Variants in GCH1 observed in about 807,000 individuals in gnomAD.
GCH1 encodes GTP cyclohydrolase I.
Under a neutral mutation model 25.9 loss-of-function variants are expected in GCH1, and 5 were observed. That is an observed-to-expected ratio of 0.19 (90% CI 0.10 to 0.41). The LOEUF (loss-of-function observed/expected upper bound fraction) is 0.41. Ranked by LOEUF, GCH1 falls within the 10% of genes least tolerant of loss-of-function variation. GCH1 has a pLI of 1.00. For synonymous variants in GCH1, 159 were observed against 129.6 expected, an observed-to-expected ratio of 1.23 and a Z score of -1.54; for missense variants, 261 against 336.5, an observed-to-expected ratio of 0.78 and a Z score of 1.75.
intron 1 of GCH1, among the ~76,000 whole-genome samples, chr14:54,893,753 A>G (rs2040452323): frequency 6.6e-6 from 1 of 152,052 alleles, no homozygotes; most frequent in Non-Finnish European, 1.5e-5. Flanking sequence ...ACATGTAAAA[A>G]CTCACTGTTT....
chr14:54,858,346 C>T lies in GCH1; in HGVS notation c.509+1335G>A, dbSNP rs189713028. On this transcript the variant is annotated intron_variant, in intron 3 of 5. Transcript: ENST00000491895. ...CATCGCCCAGGCTGGAGTGCAATGG[C>T]ACAATCTCGGCTCACTGCAAGCTCT... Among the ~76,000 whole-genome samples the T allele has an allele frequency of 3.9e-5, 6 of 152,236 alleles. No individual in the cohort carries two copies. The East Asian group carries it at 9.6e-4, about 24-fold the overall frequency.
At chr14:54,880,003 A>C (rs868325343) in intron 1 of GCH1, among the ~76,000 whole-genome samples, 1,817 of 149,768 alleles carry the variant, frequency 0.012, 40 homozygotes, top group South Asian at 0.039. Context: ...AAAAAAAAAA[A>C]AAAAAAGACA....
chr14:54,871,866 T>C (rs141565677), intron 1 of GCH1, among the ~76,000 whole-genome samples: 6,345 of 152,182 alleles, frequency 0.042, 493 homozygotes, highest in African/African-American at 0.15. Context: ...CAAATCTATA[T>C]CTGATTGGTG....
At chr14:54,867,242 G>A (rs890205044) in intron 1 of GCH1, among the ~76,000 whole-genome samples, 2 of 152,056 alleles carry the variant, frequency 1.3e-5, no homozygotes, top group South Asian at 4.1e-4. Flanking sequence ...AAGCTCTGAC[G>A]ACAACCATAT....
intron 1 of GCH1, among the ~76,000 whole-genome samples, chr14:54,880,751 AC>A (rs1159422873): frequency 1.5e-5 from 1 of 64,812 alleles, no homozygotes; most frequent in African/African-American, 8.9e-5. Flanking sequence ...ATATATATAT[AC>A]TCCATATATA....
Position 54,855,505 on chromosome 14 carries a change from C to CAAAAAAAAAAAAAAAAAAAAA in GCH1, c.509+4155_509+4175dup, listed in dbSNP as rs764999718. ...TGGGCGACAGAGAAAGACCCTGTCT[C>CAAAAAAAAAAAAAAAAAAAAA]AAAAAAAAAAAAAAAAAAAAAAAAG... On this transcript the variant is annotated intron_variant, in intron 3 of 5. Coordinates refer to ENST00000491895, the MANE Select transcript of GCH1 (RefSeq NM_000161.3). Among the ~76,000 whole-genome samples the CAAAAAAAAAAAAAAAAAAAAA allele has an allele frequency of 4.1e-4, 15 of 36,410 alleles. 1 individual carries two copies. Among genetic ancestry groups the CAAAAAAAAAAAAAAAAAAAAA allele is most frequent in the African/African-American group, 2.3e-3 (13 of 5,640 alleles). 23.9% of individuals were successfully genotyped at this position (36,410 alleles called of 152,430 possible).
intron 3 of GCH1, among the ~76,000 whole-genome samples, chr14:54,856,826 T>C (rs2039819114): frequency 6.6e-6 from 1 of 152,216 alleles, no homozygotes; most frequent in Non-Finnish European, 1.5e-5. Context: ...GAAAGTTCTA[T>C]TCAAACTAAG....
At chr14:54,850,748 G>A (rs536561212) in intron 3 of GCH1, among the ~76,000 whole-genome samples, 17 of 152,176 alleles carry the variant, frequency 1.1e-4, no homozygotes, top group African/African-American at 3.6e-4. Flanking sequence ...CTGTCCTTGC[G>A]ATAGTTTGCT....
intron 1 of GCH1, among the ~76,000 whole-genome samples, chr14:54,884,235 C>G (rs552745269): frequency 6.6e-6 from 1 of 152,024 alleles, no homozygotes; most frequent in Non-Finnish European, 1.5e-5. Context: ...AACTTGTGGG[C>G]TGAGACAAAA....
intron 1 of GCH1, among the ~76,000 whole-genome samples, chr14:54,880,298 A>G (rs1217927539): frequency 3.4e-5 from 5 of 147,838 alleles, no homozygotes; most frequent in East Asian, 1.9e-4. Flanking sequence ...AACCCAATGT[A>G]TTTTGATTAA....
At chr14:54,865,722 C>T (rs1032406197) in intron 1 of GCH1, among the ~76,000 whole-genome samples, 5 of 152,080 alleles carry the variant, frequency 3.3e-5, no homozygotes, top group Admixed American at 6.6e-5. Context: ...AAAAATTATA[C>T]CAAAATAAAA....
chr14:54,876,842 C>A (rs534057853), intron 1 of GCH1, among the ~76,000 whole-genome samples: 14 of 151,914 alleles, frequency 9.2e-5, no homozygotes, highest in Non-Finnish European at 1.9e-4. Flanking sequence ...TGATTACCTG[C>A]AAAGCAGTAA....
At chr14:54,850,834 T>C (rs536841864) in intron 3 of GCH1, among the ~76,000 whole-genome samples, 42 of 152,350 alleles carry the variant, frequency 2.8e-4, no homozygotes, top group African/African-American at 9.9e-4. Context: ...CTGCATAGTA[T>C]TCCATGGTGT....
intron 1 of GCH1, among the ~76,000 whole-genome samples, chr14:54,902,109 G>C (rs1245555720): frequency 6.6e-6 from 1 of 152,186 alleles, no homozygotes; most frequent in Non-Finnish European, 1.5e-5. Context: ...CGAGTTCCGG[G>C]GCTGAGAGGT....
chr14:54,851,286 C>T (rs1278990714), intron 3 of GCH1, among the ~76,000 whole-genome samples: 1 of 152,186 alleles, frequency 6.6e-6, no homozygotes, highest in African/African-American at 2.4e-5. Flanking sequence ...AAAACCTAGA[C>T]AATACCATTC....
intron 1 of GCH1, among the ~76,000 whole-genome samples, chr14:54,888,131 C>T (rs912651913): frequency 3.3e-5 from 5 of 152,142 alleles, no homozygotes; most frequent in African/African-American, 1.2e-4. Context: ...ATCCCAAGAA[C>T]ATTTAGATAA....
At position 54,843,464 on chromosome 14, in the gene GCH1, TC is replaced by T. The variant is rs745343964; in HGVS notation, c.*552del. 1.2e-5 allele frequency: 15 copies of T among 1,241,258 alleles called. No individual in the cohort carries two copies. Among genetic ancestry groups the T allele is most frequent in the Non-Finnish European group, 1.5e-5 (15 of 990,568 alleles). The allele number at this position is 1,241,258 out of a possible 1,614,324, so 76.9% of individuals were successfully genotyped here. ...CAAAAACATAGACATTCCACCACCT[TC>T]CCTTGGTGACTAACATTACGACTGC... On this transcript the variant is annotated 3_prime_UTR_variant, in exon 6 of 6. Transcript: ENST00000491895.
intron 1 of GCH1, among the ~76,000 whole-genome samples, chr14:54,873,711 A>G (rs1249964814): frequency 6.6e-6 from 1 of 152,210 alleles, no homozygotes; most frequent in African/African-American, 2.4e-5. Flanking sequence ...AGAATACTAT[A>G]AACACCTCTA....
chr14:54,861,616 G>A lies in GCH1; in HGVS notation c.454-1880C>T, dbSNP rs1422430056. 4.6e-5 allele frequency among the ~76,000 whole-genome samples: 7 copies of A among 151,740 alleles called. 1 individual carries two copies. The South Asian group carries it at 1.0e-3, about 23-fold the overall frequency. ...CGGGTGCCTGTAATCCCAGCTATTC[G>A]AGAGGCTGAAGCAGAAGAATTGCTT... is the stretch of plus-strand genomic sequence containing the variant. On this transcript the variant is annotated intron_variant, in intron 2 of 5. Coordinates refer to ENST00000491895, the MANE Select transcript of GCH1 (RefSeq NM_000161.3).
Sources: gnomAD v4.1 joint callset for allele counts (sites outside exome capture counted in the v4.1 genomes callset) on GRCh38, gnomAD v4.1.1 for gene constraint, MANE v1.5 for transcripts, NCBI Gene and HGNC (gene_info 2026-07-23, HGNC 2026-07-21) for gene names.